GRIK2: variants seen among roughly 807,000 people sequenced by gnomAD.
GRIK2 encodes glutamate receptor ionotropic, kainate 2.
GRIK2 carries 32 observed loss-of-function variants against 100.3 expected under a neutral mutation model. The ratio of observed to expected loss-of-function variants is 0.32; its 90% CI spans 0.24 to 0.43. The LOEUF is 0.43. GRIK2 is among the 20% of genes least tolerant of loss of function. The probability of loss-of-function intolerance (pLI) is 1.00; values close to 1 mark genes in which losing one functional copy is unlikely to be tolerated. For synonymous variants in GRIK2, 417 were observed against 389.4 expected, an observed-to-expected ratio of 1.07 and a Z score of -0.83; for missense variants, 843 against 1,114.9, an observed-to-expected ratio of 0.76 and a Z score of 3.47.
chr6:102,038,254 T>C (rs1770377238), intron 15 of GRIK2, among the ~76,000 whole-genome samples: 1 of 151,366 alleles, frequency 6.6e-6, no homozygotes, highest in South Asian at 2.1e-4. Context: ...ACTCTTAAAG[T>C]AGTTATGAGA....
intron 4 of GRIK2, among the ~76,000 whole-genome samples, chr6:101,665,136 C>T (rs1769924269): frequency 6.6e-6 from 1 of 152,164 alleles, no homozygotes; most frequent in South Asian, 2.1e-4. Flanking sequence ...CTGGCTATGA[C>T]CAGGTAGGTG....
intron 2 of GRIK2, among the ~76,000 whole-genome samples, chr6:101,502,203 CAT>C (rs1181718456): frequency 6.6e-6 from 1 of 152,088 alleles, no homozygotes; most frequent in Non-Finnish European, 1.5e-5. Context: ...ATTATTAAAA[CAT>C]ATCTATGAAG....
intron 2 of GRIK2, among the ~76,000 whole-genome samples, chr6:101,549,924 C>T (rs1475858856): frequency 6.6e-6 from 1 of 152,124 alleles, no homozygotes; most frequent in African/African-American, 2.4e-5. Context: ...AAGCTACTCA[C>T]AAAGTAGCCA....
chr6:102,061,149 A>C (rs1771730498), intron 16 of GRIK2, among the ~76,000 whole-genome samples: 2 of 150,618 alleles, frequency 1.3e-5, no homozygotes, highest in African/African-American at 4.8e-5. Context: ...CTTCCAAATC[A>C]GCTAAAGGAT....
chr6:101,794,784 C>T (rs1043139508), intron 7 of GRIK2, among the ~76,000 whole-genome samples: 32 of 151,272 alleles, frequency 2.1e-4, no homozygotes, highest in Non-Finnish European at 4.3e-4. Context: ...AGGTGTCATA[C>T]TTCCTGGATT....
At chr6:101,617,990 TATACAC>T (rs1181885165) in intron 2 of GRIK2, among the ~76,000 whole-genome samples, 4 of 151,658 alleles carry the variant, frequency 2.6e-5, no homozygotes, top group Non-Finnish European at 4.4e-5. Flanking sequence ...ATGGCACACA[TATACAC>T]GTGTGTGTGT....
At chr6:101,685,814 G>A (rs979308666) in intron 6 of GRIK2, among the ~76,000 whole-genome samples, 2 of 151,878 alleles carry the variant, frequency 1.3e-5, no homozygotes, top group African/African-American at 4.8e-5. Context: ...CAATAACCAG[G>A]CGAGGAAGCA....
chr6:101,971,811 A>G (rs1314150987), intron 14 of GRIK2, among the ~76,000 whole-genome samples: 1 of 151,878 alleles, frequency 6.6e-6, no homozygotes, highest in African/African-American at 2.4e-5. Context: ...TGTATACTCA[A>G]AGTTTAGCTC....
chr6:101,463,150 C>T (rs1771427887), intron 2 of GRIK2, among the ~76,000 whole-genome samples: 1 of 152,078 alleles, frequency 6.6e-6, no homozygotes, highest in South Asian at 2.1e-4. Flanking sequence ...TTATTTTAAA[C>T]AATATTCTGC....
intron 9 of GRIK2, among the ~76,000 whole-genome samples, chr6:101,807,122 T>C (rs1047447885): frequency 7.2e-5 from 11 of 152,004 alleles, no homozygotes; most frequent in African/African-American, 2.7e-4. Context: ...GCAGAGTTAT[T>C]TTCCTGTAGC....
intron 7 of GRIK2, among the ~76,000 whole-genome samples, chr6:101,766,364 T>G (rs1469999150): frequency 6.6e-6 from 1 of 152,126 alleles, no homozygotes; most frequent in African/African-American, 2.4e-5. Context: ...GTTTAAAGAT[T>G]TAATAATTGA....
chr6:101,923,793 C>A (rs1789704607), intron 12 of GRIK2, among the ~76,000 whole-genome samples: 2 of 151,810 alleles, frequency 1.3e-5, no homozygotes, highest in African/African-American at 4.8e-5. Flanking sequence ...TGGTGGCATG[C>A]ACCTGTAGTC....
intron 10 of GRIK2, among the ~76,000 whole-genome samples, chr6:101,856,285 C>G (rs1390939954): frequency 6.6e-6 from 1 of 152,038 alleles, no homozygotes; most frequent in Non-Finnish European, 1.5e-5. Context: ...AACGATGGTG[C>G]CATTTTCTAA....
At chr6:101,891,133 C>CT (rs11427772) in intron 12 of GRIK2, among the ~76,000 whole-genome samples, 100,593 of 149,444 alleles carry the variant, frequency 0.67, 34,971 homozygotes, top group African/African-American at 0.87. Context: ...AGGAATTAAA[C>CT]TTTTTTTTTT....
At chr6:101,719,138 G>GTTTTTTTTTTTTTTTTTTTTTTTTTTT (rs60301711) in intron 7 of GRIK2, among the ~76,000 whole-genome samples, 7 of 101,168 alleles carry the variant, frequency 6.9e-5, no homozygotes, top group African/African-American at 2.5e-4. Flanking sequence ...GGCTGCAAGG[G>GTTTTTTTTTTTTTTTTTTTTTTTTTTT]TTTTTTTTTT....
intron 7 of GRIK2, among the ~76,000 whole-genome samples, chr6:101,698,930 T>G (rs538543650): frequency 2.0e-4 from 31 of 152,234 alleles, no homozygotes; most frequent in African/African-American, 7.5e-4. Flanking sequence ...CCAATTAACA[T>G]GAAGAATGGT....
chr6:102,062,520 A>C (rs1402677601), intron 16 of GRIK2, among the ~76,000 whole-genome samples: 4 of 149,482 alleles, frequency 2.7e-5, no homozygotes, highest in African/African-American at 9.8e-5. Context: ...GATCAGTAGG[A>C]TCACGAAAGA....
intron 14 of GRIK2, among the ~76,000 whole-genome samples, chr6:102,025,991 G>C (rs2114385841): frequency 6.6e-6 from 1 of 150,668 alleles, no homozygotes; most frequent in Non-Finnish European, 1.5e-5. Context: ...AAAGCTCAGG[G>C]TGCTTTTTCT....
intron 7 of GRIK2, among the ~76,000 whole-genome samples, chr6:101,783,665 G>T (rs1433497536): frequency 6.6e-6 from 1 of 152,142 alleles, no homozygotes; most frequent in East Asian, 1.9e-4. Context: ...CTTGTTGAAT[G>T]GCTTTGACCA....
Sources: allele counts gnomAD v4.1 joint callset (sites outside exome capture counted in the v4.1 genomes callset), GRCh38; gene constraint gnomAD v4.1.1; transcripts MANE v1.5; gene names NCBI Gene and HGNC (gene_info 2026-07-23, HGNC 2026-07-21).